RGS3: variants seen among roughly 807,000 people sequenced by gnomAD.
RGS3 encodes the protein regulator of G-protein signalling 3.
RGS3 carries 80 observed loss-of-function variants against 132.6 expected under a neutral mutation model. The observed-to-expected ratio is 0.60, with a 90% CI of 0.50 to 0.73. The LOEUF (loss-of-function observed/expected upper bound fraction) is 0.73. RGS3 is among the 30% of genes least tolerant of loss of function. RGS3 has a pLI of 0.00. For missense variants in RGS3, 1,382 were observed against 1,530.8 expected (o/e 0.90, Z 1.62); for synonymous variants, 598 against 620.6 (o/e 0.96, Z 0.54).
At chr9:113,523,291 A>G (rs918371875) in intron 17 of RGS3, among the ~76,000 whole-genome samples, 2 of 152,180 alleles carry the variant, frequency 1.3e-5, no homozygotes, top group Non-Finnish European at 1.5e-5. Flanking sequence ...GGAGTCGGGT[A>G]GGAAGAGCTT....
At chr9:113,508,054 A>G (rs1472455889) in intron 13 of RGS3, among the ~76,000 whole-genome samples, 2 of 152,198 alleles carry the variant, frequency 1.3e-5, no homozygotes, top group Non-Finnish European at 2.9e-5. Context: ...GCTCTGGGAA[A>G]AAGGTGTTCT....
At position 113,567,948 on chromosome 9, in the gene RGS3, T is replaced by A. The variant is rs556891036; in HGVS notation, c.2038-15502T>A. ...ATCCCCAGCTGGGTCCCTGGGGGCC[T>A]TGAGAGCTGCTTCCCATTGGCCTCT... is the stretch of plus-strand genomic sequence containing the variant. On this transcript the variant is annotated intron_variant, in intron 19 of 24. Transcript: ENST00000350696. Among the ~76,000 whole-genome samples the A allele has an allele frequency of 2.6e-5, 4 of 152,372 alleles. No individual in the cohort carries two copies. The East Asian group carries it at 7.7e-4, about 29-fold the overall frequency.
chr9:113,576,944 G>T (rs1417240068), intron 19 of RGS3, among the ~76,000 whole-genome samples: 1 of 152,158 alleles, frequency 6.6e-6, no homozygotes, highest in Non-Finnish European at 1.5e-5. Flanking sequence ...GGAGAGAGTA[G>T]AAACATTCTT....
intron 20 of RGS3, among the ~76,000 whole-genome samples, chr9:113,589,592 G>C (rs1385207368): frequency 1.3e-5 from 2 of 152,218 alleles, no homozygotes; most frequent in African/African-American, 4.8e-5. Context: ...TACGGAAGCT[G>C]AGGTTAGAAT....
At chr9:113,580,814 C>T in intron 19 of RGS3, 1 of 985,784 alleles carries the variant, frequency 1.0e-6, no homozygotes, top group Non-Finnish European at 1.2e-6. Flanking sequence ...TTTGTTGCTG[C>T]ACTTTCCCCA....
upstream of RGS3, among the ~76,000 whole-genome samples, chr9:113,456,301 A>G (rs1346234345): frequency 6.6e-6 from 1 of 152,186 alleles, no homozygotes; most frequent in African/African-American, 2.4e-5. Flanking sequence ...GCTTCAGACC[A>G]TTATGTTCAA....
intron 17 of RGS3, among the ~76,000 whole-genome samples, chr9:113,528,791 A>C (rs1832333042): frequency 6.6e-6 from 1 of 152,212 alleles, no homozygotes; most frequent in Non-Finnish European, 1.5e-5. Context: ...GGCGGAAAAC[A>C]AGCCTCCCTA....
intron 10 of RGS3, 54 bp from the exon 9 acceptor site, chr9:113,505,388 G>GTC: frequency 6.5e-7 from 1 of 1,536,506 alleles, no homozygotes; most frequent in South Asian, 1.1e-5. Flanking sequence ...TGACCTTGGG[G>GTC]TAGAGGCAAG....
chr9:113,488,458 C>T (rs1053980300), intron 7 of RGS3, among the ~76,000 whole-genome samples: 5 of 152,168 alleles, frequency 3.3e-5, no homozygotes, highest in African/African-American at 7.2e-5. Flanking sequence ...ACCAAGGGTC[C>T]GCTCCCTGTC....
chr9:113,501,072 T>A (rs1469220032), intron 10 of RGS3, among the ~76,000 whole-genome samples: 1 of 152,178 alleles, frequency 6.6e-6, no homozygotes, highest in Non-Finnish European at 1.5e-5. Flanking sequence ...TGAGATGGGA[T>A]GTCTGTGAGT....
At chr9:113,547,330 T>C (rs536972632) in intron 19 of RGS3, among the ~76,000 whole-genome samples, 1 of 152,290 alleles carries the variant, frequency 6.6e-6, no homozygotes, top group South Asian at 2.1e-4. Flanking sequence ...TCATCACACA[T>C]AGGTATATTT....
chr9:113,516,127 C>G (rs1011886657), intron 15 of RGS3, among the ~76,000 whole-genome samples: 1 of 152,194 alleles, frequency 6.6e-6, no homozygotes, highest in Non-Finnish European at 1.5e-5. Context: ...CTTGGCCCCA[C>G]GGGCTTCATT....
intron 18 of RGS3, among the ~76,000 whole-genome samples, chr9:113,532,891 T>C (rs1332105751): frequency 6.6e-6 from 1 of 152,198 alleles, no homozygotes; most frequent in African/African-American, 2.4e-5. Context: ...ACTCTGCAGC[T>C]GCTCTGAGAC....
intron 6 of RGS3, among the ~76,000 whole-genome samples, chr9:113,484,806 A>G: frequency 6.6e-6 from 1 of 152,176 alleles, no homozygotes. Flanking sequence ...GGTAATGTAC[A>G]TTTTGTATTT....
rs1835673719 is a variant in RGS3 at position 113,594,831 on chromosome 9, G to A, written c.3183-88G>A. 7 of 1,268,100 alleles carry A rather than the reference G, an allele frequency of 5.5e-6. No individual in the cohort carries two copies. In the African/African-American group the frequency reaches 8.8e-5, roughly 16 times the overall value. The allele number at this position is 1,268,100 out of a possible 1,614,324, so 78.6% of individuals were successfully genotyped here. On this transcript the variant is annotated intron_variant, in intron 22 of 24. Coordinates refer to ENST00000350696, the Ensembl canonical transcript of RGS3. ...GGCTCAGCTGCAGACTGGGCCCAGG[G>A]CAGTAAACAAAGGCCGCCTGGCCCA...
intron 1 of RGS3, among the ~76,000 whole-genome samples, chr9:113,448,182 A>G (rs1829156440): frequency 1.3e-5 from 2 of 151,882 alleles, no homozygotes; most frequent in Non-Finnish European, 2.9e-5. Flanking sequence ...TACCCCGACC[A>G]TCCATTCTTC....
chr9:113,543,992 C>T (rs1290527660), intron 19 of RGS3, among the ~76,000 whole-genome samples: 1 of 152,200 alleles, frequency 6.6e-6, no homozygotes, highest in Admixed American at 6.5e-5. Context: ...ACCTGATGGC[C>T]ACTGCTGTCC....
chr9:113,516,801 A>T (rs1389046614), intron 15 of RGS3, among the ~76,000 whole-genome samples: 1 of 152,000 alleles, frequency 6.6e-6, no homozygotes, highest in East Asian at 1.9e-4. Flanking sequence ...GCCTCAAATG[A>T]TCCTTCCACC....
chr9:113,586,437 G>C (rs527329222), intron 20 of RGS3, among the ~76,000 whole-genome samples: 11 of 152,348 alleles, frequency 7.2e-5, no homozygotes, highest in Admixed American at 3.9e-4. Context: ...ACATACTCCT[G>C]CCTGGGAGTC....
Sources: gnomAD v4.1 joint callset for allele counts (sites outside exome capture counted in the v4.1 genomes callset) on GRCh38, gnomAD v4.1.1 for gene constraint, MANE v1.5 for transcripts, NCBI Gene and HGNC (gene_info 2026-07-23, HGNC 2026-07-21) for gene names.